NPFFR2: variants seen among roughly 807,000 people sequenced by gnomAD.
NPFFR2 encodes the protein neuropeptide FF receptor 2.
Under a neutral mutation model 13.1 loss-of-function variants are expected in NPFFR2, and 15 were observed. The ratio of observed to expected loss-of-function variants is 1.15; its 90% confidence interval spans 0.77 to 1.76. The LOEUF (loss-of-function observed/expected upper bound fraction) is 1.76, where lower values mean the gene tolerates loss of function less well. NPFFR2 is among the 40% of genes most tolerant of loss of function. The pLI is 0.00. For synonymous variants in NPFFR2, 190 were observed against 175.7 expected, an observed-to-expected ratio of 1.08 and a Z score of -0.65; for missense variants, 572 against 503.5, an observed-to-expected ratio of 1.14 and a Z score of -1.30.
chr4:72,040,170 C>T (rs573977378), intron 1 of NPFFR2, among the ~76,000 whole-genome samples: 1 of 152,016 alleles, frequency 6.6e-6, no homozygotes, highest in Non-Finnish European at 1.5e-5. Flanking sequence ...TTTGTATAGA[C>T]AATATATTTA....
intron 1 of NPFFR2, among the ~76,000 whole-genome samples, chr4:72,093,471 C>A (rs1044733117): frequency 3.3e-5 from 5 of 152,136 alleles, no homozygotes; most frequent in Admixed American, 1.3e-4. Flanking sequence ...ACCAATTATT[C>A]TTAGGTTTGG....
chr4:72,138,741 T>A (rs879419221), intron 3 of NPFFR2, among the ~76,000 whole-genome samples: 2 of 152,196 alleles, frequency 1.3e-5, no homozygotes, highest in Non-Finnish European at 2.9e-5. Flanking sequence ...TGTGTCTTTA[T>A]AGTAGCATGC....
chr4:72,119,063 C>T (rs572599024), intron 1 of NPFFR2, among the ~76,000 whole-genome samples: 44 of 151,746 alleles, frequency 2.9e-4, no homozygotes, highest in African/African-American at 8.5e-4. Flanking sequence ...AAAAAATAAT[C>T]GGTAGAAAAA....
chr4:72,043,407 T>G (rs1719286547), intron 1 of NPFFR2, among the ~76,000 whole-genome samples: 1 of 152,162 alleles, frequency 6.6e-6, no homozygotes, highest in Admixed American at 6.5e-5. Context: ...CACTGACAGC[T>G]TGCACCATGC....
chr4:72,117,583 G>A (rs1009926981), intron 1 of NPFFR2, among the ~76,000 whole-genome samples: 1 of 149,740 alleles, frequency 6.7e-6, no homozygotes, highest in Non-Finnish European at 1.5e-5. Flanking sequence ...CGAAAGCTGC[G>A]ACATGGTCTA....
intron 3 of NPFFR2, among the ~76,000 whole-genome samples, chr4:72,144,570 T>G (rs1324937015): frequency 6.6e-6 from 1 of 152,198 alleles, no homozygotes; most frequent in African/African-American, 2.4e-5. Context: ...CTGAATCCTT[T>G]GCCTGAATTT....
At chr4:72,123,286 C>A in intron 1 of NPFFR2, among the ~76,000 whole-genome samples, 1 of 151,920 alleles carries the variant, frequency 6.6e-6, no homozygotes, top group East Asian at 1.9e-4. Flanking sequence ...GCCTAACAAC[C>A]AAAAAAAGCC....
chr4:72,138,129 G>T lies in NPFFR2; in HGVS notation c.418G>T (p.Ala140Ser). 6.2e-7 allele frequency: 1 copy of T among 1,612,084 alleles called. No individual in the cohort carries two copies. Among genetic ancestry groups the T allele is most frequent in the Non-Finnish European group, 8.5e-7 (1 of 1,178,364 alleles). Residue 140 changes from alanine to serine, a missense_variant, in exon 3 of 4, where the codon GCT becomes TCT. By Grantham distance (99) the Ala-to-Ser change is moderately conservative. Coordinates refer to ENST00000308744, the MANE Select transcript of NPFFR2 (RefSeq NM_004885.3). ...TTCAGTCTTTACGTTAGTTGCAATT[G>T]CTGTAGATAGGTAAGTCTGCACCAA... is the stretch of plus-strand genomic sequence containing the variant. Reference protein sequence around the residue: ...AASVFTLVAIAVDRFQCVVYP... With the variant: ...AASVFTLVAISVDRFQCVVYP...
chr4:72,100,173 A>G (rs1381951625), intron 1 of NPFFR2, among the ~76,000 whole-genome samples: 1 of 152,142 alleles, frequency 6.6e-6, no homozygotes, highest in Non-Finnish European at 1.5e-5. Context: ...AAGAAGTACA[A>G]GAAAAACATT....
At chr4:72,085,730 C>T (rs1720750601) in intron 1 of NPFFR2, among the ~76,000 whole-genome samples, 1 of 152,098 alleles carries the variant, frequency 6.6e-6, no homozygotes, top group African/African-American at 2.4e-5. Context: ...TTTAAAAAAG[C>T]CTCTGAACCC....
chr4:72,088,224 T>C (rs1267454051), intron 1 of NPFFR2, among the ~76,000 whole-genome samples: 1 of 151,958 alleles, frequency 6.6e-6, no homozygotes, highest in Non-Finnish European at 1.5e-5. Flanking sequence ...AGTTAGGTAA[T>C]GAATGGGTGA....
In NPFFR2 at chr4:72,062,254, A is replaced by G. The variant is rs553066084; in HGVS notation, c.-8+30054A>G. On this transcript the variant is annotated intron_variant, in intron 1 of 3. Transcript: ENST00000308744. Reference sequence around the variant, plus strand: ...CAAGGTAGTATACTTAAGTCATTATATTTTACTTTTTCATGAAGGCCAAGG... The same window carrying G: ...CAAGGTAGTATACTTAAGTCATTATGTTTTACTTTTTCATGAAGGCCAAGG... 7.2e-5 allele frequency among the ~76,000 whole-genome samples: 11 copies of G among 152,108 alleles called. No individual in the cohort carries two copies. In the South Asian group the frequency reaches 1.7e-3, roughly 23 times the overall value.
chr4:72,109,700 TTTG>T (rs528300096), intron 1 of NPFFR2, among the ~76,000 whole-genome samples: 86 of 150,330 alleles, frequency 5.7e-4, no homozygotes, highest in Admixed American at 2.0e-3. Context: ...TTCCATGAAA[TTTG>T]TTGTTGTTGT....
rs1158358179 is a variant in NPFFR2, at chr4:72,038,905, C to CTTTTTTTTTTTTTTTTT, written c.-8+6710_-8+6726dup. ...AATTCTTGATTTTTAAATTTCCTTT[C>CTTTTTTTTTTTTTTTTT]TTTTTTTTTTTTTTTTTTTTTGAGA... On this transcript the variant is annotated intron_variant, in intron 1 of 3. Coordinates refer to ENST00000308744, the MANE Select transcript of NPFFR2 (RefSeq NM_004885.3). Among the ~76,000 whole-genome samples, 18 of 84,728 alleles carry CTTTTTTTTTTTTTTTTT rather than the reference C, an allele frequency of 2.1e-4. 3 individuals carry two copies. Among genetic ancestry groups the CTTTTTTTTTTTTTTTTT allele is most frequent in the Non-Finnish European group, 3.0e-4 (14 of 46,514 alleles). 55.6% of individuals were successfully genotyped at this position (84,728 alleles called of 152,430 possible).
intron 3 of NPFFR2, among the ~76,000 whole-genome samples, chr4:72,140,743 C>T (rs1463780146): frequency 6.6e-6 from 1 of 152,044 alleles, no homozygotes; most frequent in Non-Finnish European, 1.5e-5. Context: ...GGTGTCTCTA[C>T]CAGGCTTTGG....
chr4:72,089,122 G>T (rs548115109), intron 1 of NPFFR2, among the ~76,000 whole-genome samples: 1 of 152,030 alleles, frequency 6.6e-6, no homozygotes, highest in African/African-American at 2.4e-5. Context: ...TAAAATAATG[G>T]TTTTCAATCT....
intron 1 of NPFFR2, among the ~76,000 whole-genome samples, chr4:72,042,960 C>T (rs924845598): frequency 2.0e-5 from 3 of 152,204 alleles, no homozygotes; most frequent in Non-Finnish European, 4.4e-5. Flanking sequence ...CATGGCAGCC[C>T]TCCCATCACA....
In NPFFR2 at chr4:72,109,764, C is replaced by T. The variant is rs868725262; in HGVS notation, c.-7-18821C>T. ...ATTCCCTTGACAACAACAACAAGGC[C>T]ATTGGCTATAAGTGAAAAGTCTTTG... On this transcript the variant is annotated intron_variant, in intron 1 of 3. Transcript: ENST00000308744. 5.9e-5 allele frequency among the ~76,000 whole-genome samples: 9 copies of T among 151,858 alleles called. No individual in the cohort carries two copies. The South Asian group carries it at 6.2e-4, about 11-fold the overall frequency.
At chr4:72,073,932 A>AT (rs1044981432) in intron 1 of NPFFR2, among the ~76,000 whole-genome samples, 38 of 152,170 alleles carry the variant, frequency 2.5e-4, no homozygotes, top group African/African-American at 8.9e-4. Flanking sequence ...AAAATTAGCT[A>AT]AACAGAAAAA....
Sources: gnomAD v4.1 joint callset for allele counts (sites outside exome capture counted in the v4.1 genomes callset) on GRCh38, gnomAD v4.1.1 for gene constraint, MANE v1.5 for transcripts, NCBI Gene and HGNC (gene_info 2026-07-23, HGNC 2026-07-21) for gene names.